TNR: variants seen among roughly 807,000 people sequenced by gnomAD.
TNR encodes the protein tenascin-R.
TNR carries 45 observed loss-of-function variants against 150.4 expected under a neutral mutation model. That is an observed-to-expected ratio of 0.30 (90% CI 0.24 to 0.38). TNR has a LOEUF of 0.38. TNR is among the 10% of genes least tolerant of loss of function. The pLI is 1.00. For synonymous variants in TNR, 687 were observed against 678.4 expected (o/e 1.01, Z -0.20); for missense variants, 1,544 against 1,759.1 (o/e 0.88, Z 2.19).
At chr1:175,731,856 G>A (rs145034301) in intron 1 of TNR, among the ~76,000 whole-genome samples, 1 of 152,290 alleles carries the variant, frequency 6.6e-6, no homozygotes, top group East Asian at 1.9e-4. Context: ...GCCTGCACTG[G>A]GGTTCTCAGG....
chr1:175,481,626 T>C (rs550089934), intron 2 of TNR, among the ~76,000 whole-genome samples: 115 of 152,244 alleles, frequency 7.6e-4, no homozygotes, highest in Middle Eastern at 3.4e-3. Context: ...TCAGACTACA[T>C]GCTTGTGGCT....
At chr1:175,541,811 C>A (rs1158803714) in intron 1 of TNR, among the ~76,000 whole-genome samples, 2 of 152,112 alleles carry the variant, frequency 1.3e-5, no homozygotes, top group African/African-American at 4.8e-5. Flanking sequence ...CTGGTAAAGT[C>A]TCTCTAAGCT....
chr1:175,500,977 C>T (rs139222830), intron 2 of TNR, among the ~76,000 whole-genome samples: 32 of 152,318 alleles, frequency 2.1e-4, no homozygotes, highest in Middle Eastern at 3.4e-3. Context: ...ATGGCCCCAA[C>T]ATTTCCATCC....
chr1:175,507,930 T>A lies in TNR; in HGVS notation c.-64+20339A>T, dbSNP rs1023917652. 4.6e-5 allele frequency among the ~76,000 whole-genome samples: 7 copies of A among 152,214 alleles called. 1 individual carries two copies. Among genetic ancestry groups the A allele is most frequent in the Non-Finnish European group, 2.9e-5 (2 of 68,046 alleles). ...CTTATCTATTTATCTTTGTTTTTTC[T>A]CCTTTTGAATTCTGGTGTTTTTGCT... On this transcript the variant is annotated intron_variant, in intron 2 of 22. Coordinates refer to ENST00000367674, the MANE Select transcript of TNR (RefSeq NM_003285.3).
rs1652893863 is a variant in TNR at position 175,385,905 on chromosome 1, C to A, written c.1777+127G>T. Reference sequence around the variant, plus strand: ...ACCTCTTGCTTCCTTCTCGCGGTGTCTATGACAAGGCCAATGCTCTGACAC... The same window carrying A: ...ACCTCTTGCTTCCTTCTCGCGGTGTATATGACAAGGCCAATGCTCTGACAC... On this transcript the variant is annotated intron_variant, in intron 8 of 22. Transcript: ENST00000367674. 2.6e-6 allele frequency: 3 copies of A among 1,137,262 alleles called. No individual in the cohort carries two copies. The South Asian group carries it at 5.3e-5, about 20-fold the overall frequency. The allele number at this position is 1,137,262 out of a possible 1,614,324, so 70.4% of individuals were successfully genotyped here. A position where few individuals can be genotyped will look rare whatever the true frequency, so the allele number is the denominator to read the frequency against.
chr1:175,399,387 A>AT (rs1464768202), intron 4 of TNR, among the ~76,000 whole-genome samples: 3 of 152,220 alleles, frequency 2.0e-5, no homozygotes, highest in Non-Finnish European at 4.4e-5. Context: ...GCATTTTGGG[A>AT]TTTTAAAGCA....
intron 18 of TNR, among the ~76,000 whole-genome samples, chr1:175,350,028 A>G (rs1038843861): frequency 6.6e-6 from 1 of 152,236 alleles, no homozygotes; most frequent in African/African-American, 2.4e-5. Context: ...TTTCCTTTCT[A>G]ACTAGAATAT....
chr1:175,705,104 G>A (rs994084477), intron 1 of TNR, among the ~76,000 whole-genome samples: 1 of 152,138 alleles, frequency 6.6e-6, no homozygotes, highest in Admixed American at 6.5e-5. Flanking sequence ...CTTGACACAG[G>A]CAAGTCTCAC....
intron 1 of TNR, among the ~76,000 whole-genome samples, chr1:175,578,518 G>A (rs539301751): frequency 1.3e-5 from 2 of 152,246 alleles, no homozygotes; most frequent in African/African-American, 2.4e-5. Flanking sequence ...AATGACATGG[G>A]CATACAGAGG....
chr1:175,570,555 C>G (rs16848686), intron 1 of TNR, among the ~76,000 whole-genome samples: 8,385 of 152,122 alleles, frequency 0.055, 778 homozygotes, highest in African/African-American at 0.19. Flanking sequence ...TGTAAAGATT[C>G]CCCACAAATC....
Position 175,356,450 on chromosome 1 carries a change from G to A in TNR, c.2987C>T (p.Thr996Ile), listed in dbSNP as rs139871740. Reference sequence around the variant, plus strand: ...CTCACTGACTCCGTCAACAAGGATGGTCTCTCCAGCGACTGAACTCAAATG... The same window carrying A: ...CTCACTGACTCCGTCAACAAGGATGATCTCTCCAGCGACTGAACTCAAATG... ...VLTHFAVAGE[T>I]ILVDGVSEEF... The change falls in exon 16 of 23, where the codon ACC (threonine) becomes ATC (isoleucine). Residue 996 changes from threonine (T) to isoleucine (I), a missense_variant. Coordinates refer to ENST00000367674, the MANE Select transcript of TNR (RefSeq NM_003285.3). 2.9e-4 allele frequency: 466 copies of A among 1,613,778 alleles called. No homozygotes were observed. The highest frequency in any genetic ancestry group is 3.8e-4 in the Non-Finnish European group (450 of 1,179,876).
At chr1:175,535,131 G>A (rs1473484895) in intron 1 of TNR, among the ~76,000 whole-genome samples, 3 of 152,194 alleles carry the variant, frequency 2.0e-5, no homozygotes, top group African/African-American at 4.8e-5. Flanking sequence ...ATGCTGAGAA[G>A]GGCAGAAGCC....
intron 6 of TNR, 62 bp from the exon 7 acceptor site, chr1:175,391,500 G>C (rs1653170470): frequency 1.3e-6 from 2 of 1,554,202 alleles, no homozygotes; most frequent in Non-Finnish European, 1.8e-6. Flanking sequence ...AATCTGATGA[G>C]AGAAAGATAA....
intron 1 of TNR, among the ~76,000 whole-genome samples, chr1:175,618,218 A>G (rs570482246): frequency 6.6e-6 from 1 of 152,340 alleles, no homozygotes; most frequent in Admixed American, 6.5e-5. Context: ...TTGCCCACTA[A>G]TCAGAAGTAA....
intron 2 of TNR, among the ~76,000 whole-genome samples, chr1:175,478,515 A>C (rs2102125419): frequency 6.6e-6 from 1 of 152,190 alleles, no homozygotes; most frequent in Non-Finnish European, 1.5e-5. Context: ...GTGGTTCAAG[A>C]GATAGGGCAG....
At chr1:175,731,897 T>G (rs1667650770) in intron 1 of TNR, among the ~76,000 whole-genome samples, 3 of 152,232 alleles carry the variant, frequency 2.0e-5, no homozygotes, top group African/African-American at 7.2e-5. Flanking sequence ...TCTCCTCTGG[T>G]AGGAATCTGC....
rs1481091368 is a variant in TNR, at chr1:175,335,775, A to G, written c.3567T>C (p.Asp1189=). The part of the protein sequence containing the change: ...VFQRRQNGQT[D]FFRKWADYRV... ...GGTAATCAGCCCATTTCCGGAAAAAATCAGTTTGGCCATTCTGCCGCCTCT... is the reference window on the plus strand; with the variant it reads ...GGTAATCAGCCCATTTCCGGAAAAAGTCAGTTTGGCCATTCTGCCGCCTCT... Residue 1189 remains aspartate (D), a synonymous_variant, in exon 20 of 23, where the codon GAT becomes GAC. Coordinates refer to ENST00000367674, the MANE Select transcript of TNR (RefSeq NM_003285.3). 3.7e-6 allele frequency: 6 copies of G among 1,614,086 alleles called. No homozygotes were observed. Among genetic ancestry groups the G allele is most frequent in the Non-Finnish European group, 5.1e-6 (6 of 1,180,022 alleles).
intron 6 of TNR, 40 bp from the exon 7 acceptor site, chr1:175,391,478 C>G (rs1449128157): frequency 6.3e-7 from 1 of 1,597,238 alleles, no homozygotes; most frequent in East Asian, 2.2e-5. Flanking sequence ...AGAGAAAAGT[C>G]ACTGGGAGAG....
intron 18 of TNR, among the ~76,000 whole-genome samples, chr1:175,340,642 G>T (rs768941781): frequency 2.0e-5 from 3 of 152,186 alleles, no homozygotes; most frequent in Admixed American, 2.0e-4. Context: ...AGGGGATGGC[G>T]CAGGGAATCA....
Sources: gnomAD v4.1 joint callset for allele counts (sites outside exome capture counted in the v4.1 genomes callset) on GRCh38, gnomAD v4.1.1 for gene constraint, MANE v1.5 for transcripts, NCBI Gene and HGNC (gene_info 2026-07-23, HGNC 2026-07-21) for gene names.